PHLDB2: variants seen among roughly 807,000 people sequenced by gnomAD.
The protein encoded by PHLDB2 is pleckstrin homology like domain family B member 2.
Under a neutral mutation model 123.6 loss-of-function variants are expected in PHLDB2, and 71 were observed. The observed-to-expected ratio is 0.57, with a 90% CI of 0.47 to 0.70. PHLDB2 has a LOEUF of 0.70. Among genes scored for constraint, PHLDB2 ranks in the 30% least tolerant of loss-of-function variants. The pLI, the probability that PHLDB2 is intolerant of heterozygous loss-of-function variation, is 0.00. For synonymous variants in PHLDB2, 547 were observed against 541.6 expected (o/e 1.01, Z -0.14); for missense variants, 1,446 against 1,519.5 (o/e 0.95, Z 0.80).
chr3:111,952,691 G>T lies in PHLDB2; in HGVS notation c.2751G>T (p.Met917Ile), dbSNP rs367684981. The T allele has an allele frequency of 9.9e-6, 16 of 1,613,280 alleles. No individual in the cohort carries two copies. Among genetic ancestry groups the T allele is most frequent in the South Asian group, 2.2e-5 (2 of 90,826 alleles). ...CCCCACATTTCAGCAGTGCTACTAT[G>T]GGGAGAAGCATCACCCCAAAGGTAG... is the stretch of plus-strand genomic sequence containing the variant. ...SISPHFSSAT[M>I]GRSITPKAHL... The change falls in exon 11 of 18, where the codon ATG becomes ATT. Residue 917 changes from methionine (M) to isoleucine (I), a missense_variant. Around this residue, in one of 3 missense-constraint regions of PHLDB2, gnomAD observed 594 missense variants for 646.0 expected, o/e 0.92. Coordinates refer to ENST00000431670, the MANE Select transcript of PHLDB2 (RefSeq NM_001134438.2).
At chr3:111,820,381 G>A (rs1046151068) in intron 1 of PHLDB2, among the ~76,000 whole-genome samples, 8 of 152,158 alleles carry the variant, frequency 5.3e-5, no homozygotes, top group African/African-American at 1.9e-4. Flanking sequence ...CAAAATTGAA[G>A]TTTAGAATTC....
intron 1 of PHLDB2, among the ~76,000 whole-genome samples, chr3:111,737,823 A>C (rs911881782): frequency 4.0e-5 from 6 of 151,654 alleles, no homozygotes; most frequent in Admixed American, 3.9e-4. Flanking sequence ...TATATAGTGC[A>C]TTTGGCTGGA....
intron 1 of PHLDB2, among the ~76,000 whole-genome samples, chr3:111,829,132 G>C (rs2108458615): frequency 6.6e-6 from 1 of 152,180 alleles, no homozygotes. Context: ...GCATTAATTA[G>C]AGCCAACACA....
At chr3:111,887,450 A>G (rs1049468308) in intron 2 of PHLDB2, among the ~76,000 whole-genome samples, 1 of 152,226 alleles carries the variant, frequency 6.6e-6, no homozygotes, top group African/African-American at 2.4e-5. Flanking sequence ...CCTATGCAAA[A>G]GATGATATTG....
chr3:111,896,903 G>A (rs754302714), intron 2 of PHLDB2, among the ~76,000 whole-genome samples: 1 of 152,226 alleles, frequency 6.6e-6, no homozygotes, highest in Non-Finnish European at 1.5e-5. Flanking sequence ...TGAATAATCG[G>A]AGATTCACAA....
chr3:111,918,967 G>C (rs2068340749), intron 3 of PHLDB2, 105 bp from the exon 4 acceptor site: 2 of 1,163,048 alleles, frequency 1.7e-6, no homozygotes, highest in South Asian at 1.3e-5. Flanking sequence ...ATCTACATGG[G>C]CATGGAGACT....
chr3:111,871,102 A>G (rs949548380), intron 1 of PHLDB2, among the ~76,000 whole-genome samples: 17 of 152,172 alleles, frequency 1.1e-4, no homozygotes, highest in Admixed American at 9.2e-4. Context: ...ACAGTTTTCT[A>G]TCACTTGCTC....
At chr3:111,962,851 C>T (rs1320058744) in intron 13 of PHLDB2, among the ~76,000 whole-genome samples, 1 of 150,824 alleles carries the variant, frequency 6.6e-6, no homozygotes, top group Non-Finnish European at 1.5e-5. Flanking sequence ...ATCCCTTAAA[C>T]CCGGGAGGCG....
chr3:111,831,836 A>C (rs1024404711), intron 1 of PHLDB2, among the ~76,000 whole-genome samples: 14 of 152,292 alleles, frequency 9.2e-5, no homozygotes, highest in Non-Finnish European at 1.8e-4. Flanking sequence ...TTAGTTTCAC[A>C]AGTAGGATGT....
At chr3:111,792,068 A>G (rs1483266673) in intron 1 of PHLDB2, among the ~76,000 whole-genome samples, 1 of 152,152 alleles carries the variant, frequency 6.6e-6, no homozygotes, top group Non-Finnish European at 1.5e-5. Context: ...ATGAGTAAAA[A>G]CATACAATGT....
chr3:111,884,535 C>G lies in PHLDB2; in HGVS notation c.458C>G (p.Ser153Ter). The G allele has an allele frequency of 6.2e-7, 1 of 1,614,148 alleles. No homozygotes were observed. Among genetic ancestry groups the G allele is most frequent in the Non-Finnish European group, 8.5e-7 (1 of 1,180,040 alleles). ...SEKPPYSKYSSRHKSHDNVYS... is the reference protein window; with the variant it reads ...SEKPPYSKYS ...AAGCCTCCCTATTCCAAATATAGCT[C>G]AAGGCATAAATCGCATGACAATGTC... The change falls in exon 2 of 18, where the codon TCA becomes TGA. Residue 153 changes from serine (S) to a stop codon, truncating the protein, a stop_gained. Coordinates refer to ENST00000431670, the MANE Select transcript of PHLDB2 (RefSeq NM_001134438.2). LOFTEE classifies it high-confidence loss of function.
At chr3:111,900,751 C>T (rs774628779) in intron 2 of PHLDB2, among the ~76,000 whole-genome samples, 5 of 152,184 alleles carry the variant, frequency 3.3e-5, no homozygotes, top group African/African-American at 1.2e-4. Context: ...TAGACTTGCT[C>T]GCTGCAGGGT....
intron 15 of PHLDB2, 91 bp from the exon 16 acceptor site, chr3:111,969,599 G>C (rs2072037118): frequency 8.8e-6 from 9 of 1,025,136 alleles, no homozygotes; most frequent in African/African-American, 1.6e-5. Flanking sequence ...TAAAGCTTAG[G>C]TTTTACAGTT....
intron 1 of PHLDB2, among the ~76,000 whole-genome samples, chr3:111,736,273 C>T (rs964444885): frequency 3.3e-5 from 5 of 152,140 alleles, no homozygotes; most frequent in South Asian, 2.1e-4. Flanking sequence ...TTGACTTTAA[C>T]ATAATGTACA....
intron 8 of PHLDB2, 85 bp from the exon 9 acceptor site, chr3:111,945,183 T>A: frequency 1.2e-6 from 1 of 863,578 alleles, no homozygotes; most frequent in Non-Finnish European, 1.9e-6. Context: ...GAGAATCTGA[T>A]GTTAGTCTCT....
intron 1 of PHLDB2, among the ~76,000 whole-genome samples, chr3:111,798,416 G>A (rs537424870): frequency 6.6e-6 from 1 of 152,070 alleles, no homozygotes; most frequent in African/African-American, 2.4e-5. Context: ...TATGTTCTAG[G>A]CTTCCTTGTG....
intron 1 of PHLDB2, among the ~76,000 whole-genome samples, chr3:111,746,839 T>C (rs2059689030): frequency 6.6e-6 from 1 of 152,214 alleles, no homozygotes; most frequent in African/African-American, 2.4e-5. Context: ...TTTAGAATTT[T>C]GAAGACTAAA....
intron 1 of PHLDB2, among the ~76,000 whole-genome samples, chr3:111,798,090 T>C (rs943415072): frequency 5.3e-5 from 8 of 152,122 alleles, no homozygotes; most frequent in African/African-American, 1.7e-4. Flanking sequence ...GCCAAAATCA[T>C]GCCACTGCAC....
At chr3:111,960,429 A>G (rs1349196061) in intron 12 of PHLDB2, among the ~76,000 whole-genome samples, 1 of 152,224 alleles carries the variant, frequency 6.6e-6, no homozygotes, top group East Asian at 1.9e-4. Flanking sequence ...TTTTCCCAGA[A>G]ATGTCTGAAT....
Sources: gnomAD v4.1 joint callset for allele counts (sites outside exome capture counted in the v4.1 genomes callset) on GRCh38, gnomAD v4.1.1 for gene constraint, gnomAD v4.1.1 regional missense constraint, MANE v1.5 for transcripts, NCBI Gene and HGNC (gene_info 2026-07-23, HGNC 2026-07-21) for gene names.